PRKX: variants seen among roughly 807,000 people sequenced by gnomAD.
The protein encoded by PRKX is protein kinase cAMP-dependent X-linked catalytic subunit.
In PRKX, 12 loss-of-function variants were observed where a neutral mutation model predicts 22.0. The observed-to-expected ratio is 0.54, with a 90% CI of 0.35 to 0.88. The LOEUF (loss-of-function observed/expected upper bound fraction) is 0.88. PRKX is among the 40% of genes least tolerant of loss of function. The probability of loss-of-function intolerance (pLI) is 0.01; values close to 1 mark genes in which losing one functional copy is unlikely to be tolerated. For missense variants in PRKX, 217 were observed against 308.0 expected (o/e 0.70, Z 2.21); for synonymous variants, 134 against 137.7 (o/e 0.97, Z 0.19).
chrX:3,618,520 G>T (rs75518546), intron 6 of PRKX, among the ~76,000 whole-genome samples: 9,628 of 110,909 alleles, frequency 0.087, 356 homozygotes, highest in Middle Eastern at 0.15. Context: ...TGTGAGGTAA[G>T]GCATATGTTA....
At chrX:3,661,599 A>G (rs1348279068) in intron 2 of PRKX, among the ~76,000 whole-genome samples, 1 of 110,476 alleles carries the variant, frequency 9.1e-6, no homozygotes, top group Non-Finnish European at 1.9e-5. Flanking sequence ...CTATCTGGAA[A>G]AAAAAAAAAA....
chrX:3,698,810 C>G (rs1928496581), intron 1 of PRKX, among the ~76,000 whole-genome samples: 1 of 108,414 alleles, frequency 9.2e-6, no homozygotes, highest in African/African-American at 3.4e-5. Flanking sequence ...AGGCTGGTCT[C>G]AAACTCCTGA....
At chrX:3,614,537 A>T (rs1366925644) in intron 7 of PRKX, among the ~76,000 whole-genome samples, 2 of 111,784 alleles carry the variant, frequency 1.8e-5, no homozygotes, top group African/African-American at 6.5e-5. Context: ...AATGAGAAAC[A>T]CAGCGTGTTC....
chrX:3,701,646 T>C (rs6641858), intron 1 of PRKX, among the ~76,000 whole-genome samples: 20,129 of 111,625 alleles, frequency 0.18, 3,362 homozygotes, highest in African/African-American at 0.52. Context: ...CTGAAGCCTG[T>C]TGGGCTGCAT....
chrX:3,656,388 G>A (rs1603474144), intron 2 of PRKX, among the ~76,000 whole-genome samples: 1 of 111,849 alleles, frequency 8.9e-6, no homozygotes, highest in Non-Finnish European at 1.9e-5. Flanking sequence ...GTTAGAATAT[G>A]AACGTAGATA....
chrX:3,632,915 C>T (rs1926813785), intron 4 of PRKX, among the ~76,000 whole-genome samples: 1 of 112,656 alleles, frequency 8.9e-6, no homozygotes, highest in South Asian at 3.7e-4. Context: ...TCCAGATTTT[C>T]GCCTGAAAAA....
In PRKX at chrX:3,713,561, G is replaced by A. The variant is rs1242761993; in HGVS notation, c.-308C>T. 10 of 180,668 alleles carry A rather than the reference G, an allele frequency of 5.5e-5. No homozygotes were observed. In the East Asian group the frequency reaches 7.1e-4, roughly 13 times the overall value. The allele number at this position is 180,668 out of a possible 1,213,427, so 14.9% of individuals were successfully genotyped here. A position where few individuals can be genotyped will look rare whatever the true frequency, so the allele number is the denominator to read the frequency against. On this transcript the variant is annotated 5_prime_UTR_variant, in exon 1 of 9. Transcript: ENST00000262848. ...CGGCCCGGGCTGGGGGGGGCGAGGC[G>A]GGGGCCCTGCGCATTCCGGGTCTCG...
At chrX:3,651,288 C>T (rs192223578) in intron 3 of PRKX, among the ~76,000 whole-genome samples, 7 of 112,061 alleles carry the variant, frequency 6.2e-5, no homozygotes, top group Non-Finnish European at 1.3e-4. Context: ...AAACCATTTT[C>T]GTCCATTTAA....
chrX:3,631,882 G>C (rs1926791162), intron 4 of PRKX, among the ~76,000 whole-genome samples: 1 of 112,814 alleles, frequency 8.9e-6, no homozygotes, highest in Non-Finnish European at 1.9e-5. Flanking sequence ...CCCGGACTAA[G>C]AGAGGATAAA....
chrX:3,671,809 A>G (rs1927851966), intron 2 of PRKX, among the ~76,000 whole-genome samples: 1 of 110,878 alleles, frequency 9.0e-6, no homozygotes, highest in Non-Finnish European at 1.9e-5. Flanking sequence ...GCAGCAAAGT[A>G]AGATCCCATC....
At chrX:3,700,824 C>A (rs1280260574) in intron 1 of PRKX, among the ~76,000 whole-genome samples, 1 of 110,822 alleles carries the variant, frequency 9.0e-6, no homozygotes, top group Non-Finnish European at 1.9e-5. Context: ...AGTCTCGAAC[C>A]CCTGGCCTCA....
chrX:3,634,768 G>A (rs773910977), intron 4 of PRKX, among the ~76,000 whole-genome samples: 13 of 111,871 alleles, frequency 1.2e-4, no homozygotes, highest in South Asian at 3.7e-4. Flanking sequence ...ACAGCTCACC[G>A]CAGCGTTGAC....
At chrX:3,634,264 T>A (rs991634193) in intron 4 of PRKX, among the ~76,000 whole-genome samples, 3 of 107,930 alleles carry the variant, frequency 2.8e-5, no homozygotes, top group African/African-American at 1.0e-4. Context: ...AAAAAAATAA[T>A]AATAATTAAT....
At position 3,618,078 on chromosome X, in the gene PRKX, AGAG is replaced by A. The variant is rs1569230271; in HGVS notation, c.874-2189_874-2187del. Among the ~76,000 whole-genome samples the A allele has an allele frequency of 9.5e-4, 97 of 102,557 alleles. 2 individuals are homozygous for A. The highest frequency in any genetic ancestry group is 5.6e-3 in the East Asian group (18 of 3,186). The allele number at this position is 102,557 out of a possible 115,157, so 89.1% of individuals were successfully genotyped here. A position where few individuals can be genotyped will look rare whatever the true frequency, so the allele number is the denominator to read the frequency against. On this transcript the variant is annotated intron_variant, in intron 6 of 8. Transcript: ENST00000262848. ...AAAAAAAAAAAAAAAAGAGAGAGAGAGAGAGAGAAATAAGCCAGGCACAGATAG... is the reference window on the plus strand; with the variant it reads ...AAAAAAAAAAAAAAAAGAGAGAGAGAAGAGAAATAAGCCAGGCACAGATAG...
intron 2 of PRKX, among the ~76,000 whole-genome samples, chrX:3,657,909 G>A (rs947159431): frequency 4.5e-5 from 5 of 112,036 alleles, no homozygotes; most frequent in African/African-American, 9.7e-5. Flanking sequence ...GGAGAGATAC[G>A]CACTGATAAT....
intron 1 of PRKX, among the ~76,000 whole-genome samples, chrX:3,680,581 G>C (rs1248348380): frequency 8.9e-6 from 1 of 112,163 alleles, no homozygotes; most frequent in Non-Finnish European, 1.9e-5. Flanking sequence ...CCCAAATACA[G>C]GCATGTGTAA....
intron 1 of PRKX, among the ~76,000 whole-genome samples, chrX:3,678,637 T>C (rs1349240732): frequency 8.9e-6 from 1 of 112,177 alleles, no homozygotes; most frequent in African/African-American, 3.2e-5. Flanking sequence ...ACAATCAGAC[T>C]GCAGAAGTAT....
chrX:3,613,919 G>GTCTGAGC (rs1478636856), intron 7 of PRKX, among the ~76,000 whole-genome samples: 2 of 105,089 alleles, frequency 1.9e-5, no homozygotes, highest in Non-Finnish European at 3.9e-5. Context: ...AGAAACTCTG[G>GTCTGAGC]TCTGAGCTGA....
At chrX:3,649,470 G>A (rs1473265458) in intron 3 of PRKX, among the ~76,000 whole-genome samples, 1 of 95,822 alleles carries the variant, frequency 1.0e-5, no homozygotes, top group Non-Finnish European at 2.1e-5. Context: ...CCTGGTGAAC[G>A]CAAGTCACAA....
Sources: gnomAD v4.1 joint callset for allele counts (sites outside exome capture counted in the v4.1 genomes callset) on GRCh38, gnomAD v4.1.1 for gene constraint, MANE v1.5 for transcripts, NCBI Gene and HGNC (gene_info 2026-07-23, HGNC 2026-07-21) for gene names.